The following ZNF782 variants were observed in gnomAD, a reference collection of about 807,000 sequenced individuals.
The protein encoded by ZNF782 is zinc finger protein 782.
ZNF782 carries 12 observed loss-of-function variants against 13.0 expected under a neutral mutation model. The ratio of observed to expected loss-of-function variants is 0.92; its 90% confidence interval spans 0.59 to 1.50. ZNF782 has a LOEUF of 1.50. ZNF782 is among the 40% of genes most tolerant of loss of function. The pLI, the probability that ZNF782 is intolerant of heterozygous loss-of-function variation, is 0.00. For synonymous variants in ZNF782, 284 were observed against 283.0 expected, an observed-to-expected ratio of 1.00 and a Z score of -0.04; for missense variants, 770 against 822.9, an observed-to-expected ratio of 0.94 and a Z score of 0.79.
chr9:96,881,352 T>C, the ZNF782 span, among the ~76,000 whole-genome samples: 2 of 152,244 alleles, frequency 1.3e-5, no homozygotes, highest in East Asian at 3.9e-4. Flanking sequence ...GAAACTTACA[T>C]TGTTAATTTG....
At chr9:96,930,345 G>A in the ZNF782 span, among the ~76,000 whole-genome samples, 1 of 152,134 alleles carries the variant, frequency 6.6e-6, no homozygotes, top group Non-Finnish European at 1.5e-5. Context: ...CCAATATGGT[G>A]AAACCCCGTC....
At chr9:96,866,722 AGG>A (rs1158947323) in intron 1 of ZNF782, among the ~76,000 whole-genome samples, 1 of 152,166 alleles carries the variant, frequency 6.6e-6, no homozygotes, top group East Asian at 1.9e-4. Flanking sequence ...GGCAGCTAGG[AGG>A]GGGGGTTATA....
exon 1 of ZNF782, chr9:96,875,515 G>A (rs1258740829): frequency 4.4e-6 from 2 of 456,730 alleles, no homozygotes; most frequent in East Asian, 1.4e-4. Flanking sequence ...TCCACAGCTC[G>A]GGGTCTTGCC....
chr9:96,876,875 G>T (rs1851897790), upstream of ZNF782, among the ~76,000 whole-genome samples: 1 of 148,072 alleles, frequency 6.8e-6, no homozygotes, highest in South Asian at 2.1e-4. Context: ...GTGTGGTGGC[G>T]GGCGCCTGCA....
At chr9:96,882,707 T>A in the ZNF782 span, among the ~76,000 whole-genome samples, 2 of 152,322 alleles carry the variant, frequency 1.3e-5, no homozygotes, top group Non-Finnish European at 2.9e-5. Flanking sequence ...GAGCATTCCA[T>A]GATTGTTTTA....
chr9:96,902,421 C>CA, the ZNF782 span, among the ~76,000 whole-genome samples: 57,205 of 70,104 alleles, frequency 0.82, 23,652 homozygotes, highest in Middle Eastern at 0.91. Flanking sequence ...ATCTCCATCT[C>CA]AAAAAAAAAA....
intron 4 of ZNF782, among the ~76,000 whole-genome samples, chr9:96,827,716 C>T (rs995058869): frequency 6.6e-6 from 1 of 152,204 alleles, no homozygotes; most frequent in African/African-American, 2.4e-5. Flanking sequence ...GAAGAGATTT[C>T]ATAAGGACTT....
At chr9:96,879,509 A>G (rs1354187845), upstream of ZNF782, among the ~76,000 whole-genome samples, 1 of 152,160 alleles carries the variant, frequency 6.6e-6, no homozygotes, top group Non-Finnish European at 1.5e-5. Context: ...TCTCAAAAAC[A>G]AACAAAAAAA....
At chr9:96,861,530 G>A (rs375667288) in exon 2 of ZNF782, 7 of 154,126 alleles carry the variant, frequency 4.5e-5, no homozygotes, top group East Asian at 1.9e-4. Context: ...AAAATTACCT[G>A]AGCCCAGGAG....
At chr9:96,902,514 C>A in the ZNF782 span, among the ~76,000 whole-genome samples, 2 of 129,390 alleles carry the variant, frequency 1.5e-5, no homozygotes, top group Admixed American at 1.5e-4. Flanking sequence ...CTTTGCTGAG[C>A]CTGTAAGATA....
chr9:96,841,399 T>C (rs1182777400), intron 4 of ZNF782, among the ~76,000 whole-genome samples: 1 of 151,976 alleles, frequency 6.6e-6, no homozygotes, highest in Non-Finnish European at 1.5e-5. Context: ...GAGGCCAGAC[T>C]TATGCTGATA....
intron 5 of ZNF782, among the ~76,000 whole-genome samples, chr9:96,820,011 T>C (rs982262404): frequency 6.6e-6 from 1 of 152,182 alleles, no homozygotes; most frequent in Non-Finnish European, 1.5e-5. Context: ...TTTGGCATCT[T>C]AAAATAGAAT....
chr9:96,821,700 C>T (rs1238042134), intron 5 of ZNF782, among the ~76,000 whole-genome samples: 1 of 149,100 alleles, frequency 6.7e-6, no homozygotes, highest in African/African-American at 2.5e-5. Flanking sequence ...AGACAGAGTC[C>T]TTGATCTGTC....
intron 4 of ZNF782, among the ~76,000 whole-genome samples, chr9:96,830,658 T>TA (rs1419700946): frequency 1.3e-5 from 2 of 152,300 alleles, no homozygotes; most frequent in South Asian, 2.1e-4. Context: ...ACACAGATCT[T>TA]ATAATTTCCA....
intron 4 of ZNF782, among the ~76,000 whole-genome samples, chr9:96,833,762 A>G (rs1202105923): frequency 6.6e-6 from 1 of 152,212 alleles, no homozygotes. Flanking sequence ...AAGAGGAGTA[A>G]CTACATAAAT....
intron 5 of ZNF782, among the ~76,000 whole-genome samples, chr9:96,820,981 T>G (rs1339623302): frequency 6.6e-6 from 1 of 152,342 alleles, no homozygotes; most frequent in East Asian, 1.9e-4. Flanking sequence ...ACATTGCTAG[T>G]TTTTATTGAC....
intron 4 of ZNF782, among the ~76,000 whole-genome samples, chr9:96,841,408 T>C (rs1851185678): frequency 6.6e-6 from 1 of 152,004 alleles, no homozygotes; most frequent in South Asian, 2.1e-4. Context: ...CTTATGCTGA[T>C]ATGAAAACCA....
the ZNF782 span, among the ~76,000 whole-genome samples, chr9:96,882,017 G>GTGTGTA: frequency 5.0e-5 from 7 of 140,948 alleles, 1 homozygote; most frequent in South Asian, 1.6e-3. Context: ...GTGTGTGTGT[G>GTGTGTA]TATACTCATT....
At chr9:96,905,642 G>C in the ZNF782 span, among the ~76,000 whole-genome samples, 1 of 151,676 alleles carries the variant, frequency 6.6e-6, no homozygotes, top group Non-Finnish European at 1.5e-5. Context: ...CTGGAGTACA[G>C]TGGCGCGATC....
Sources: gnomAD v4.1 joint callset for allele counts (sites outside exome capture counted in the v4.1 genomes callset) on GRCh38, gnomAD v4.1.1 for gene constraint, MANE v1.5 for transcripts, NCBI Gene and HGNC (gene_info 2026-07-23, HGNC 2026-07-21) for gene names.